DIAPH2: variants seen among roughly 807,000 people sequenced by gnomAD.
The protein encoded by DIAPH2 is diaphanous related formin 2, also known as protein diaphanous homolog 2.
Under a neutral mutation model 92.7 loss-of-function variants are expected in DIAPH2, and 35 were observed. That is an observed-to-expected ratio of 0.38 (90% CI 0.29 to 0.50). The LOEUF is 0.50. DIAPH2 is among the 20% of genes least tolerant of loss of function. The probability of loss-of-function intolerance (pLI) is 0.94; values close to 1 mark genes in which losing one functional copy is unlikely to be tolerated. For missense variants in DIAPH2, 701 were observed against 819.5 expected (o/e 0.86, Z 1.77); for synonymous variants, 301 against 280.4 (o/e 1.07, Z -0.73).
chrX:96,873,331 A>G (rs1224002283), intron 4 of DIAPH2, among the ~76,000 whole-genome samples: 1 of 111,326 alleles, frequency 9.0e-6, no homozygotes, highest in African/African-American at 3.3e-5. Flanking sequence ...TTGGTTATTA[A>G]TCTCTTGTCA....
intron 22 of DIAPH2, among the ~76,000 whole-genome samples, chrX:97,151,364 C>T (rs1429887453): frequency 8.9e-6 from 1 of 111,754 alleles, no homozygotes; most frequent in Non-Finnish European, 1.9e-5. Context: ...GGTCCTCTTG[C>T]TTTTACCCAT....
At chrX:97,062,897 G>A (rs954786970) in intron 17 of DIAPH2, among the ~76,000 whole-genome samples, 2 of 108,350 alleles carry the variant, frequency 1.8e-5, no homozygotes, top group Non-Finnish European at 3.8e-5. Context: ...AGCCAGGCAT[G>A]GTGGCAGGCG....
intron 22 of DIAPH2, among the ~76,000 whole-genome samples, chrX:97,201,728 G>A (rs758829869): frequency 3.6e-5 from 4 of 110,573 alleles, no homozygotes; most frequent in Non-Finnish European, 5.7e-5. Flanking sequence ...ATGGAACCAA[G>A]TTGGAAAACA....
chrX:97,395,727 A>G (rs922649006), intron 25 of DIAPH2, among the ~76,000 whole-genome samples: 2 of 112,286 alleles, frequency 1.8e-5, no homozygotes, highest in Admixed American at 1.9e-4. Context: ...ACAAATTTCT[A>G]CATCTACTAA....
intron 26 of DIAPH2, among the ~76,000 whole-genome samples, chrX:97,443,582 T>C (rs2070281087): frequency 8.9e-6 from 1 of 111,972 alleles, no homozygotes; most frequent in African/African-American, 3.2e-5. Context: ...GAAATAGAAA[T>C]TGTATTCTAC....
intron 17 of DIAPH2, among the ~76,000 whole-genome samples, chrX:96,999,305 G>A (rs2066126118): frequency 9.1e-6 from 1 of 109,894 alleles, no homozygotes; most frequent in African/African-American, 3.3e-5. Context: ...ATGAGGTCAG[G>A]AGATCGAGAC....
chrX:97,555,228 A>G (rs1022819373), intron 26 of DIAPH2, among the ~76,000 whole-genome samples: 1 of 112,005 alleles, frequency 8.9e-6, no homozygotes, highest in African/African-American at 3.2e-5. Context: ...TAAACCCATC[A>G]CTGGAAGAAA....
intron 26 of DIAPH2, among the ~76,000 whole-genome samples, chrX:97,589,124 C>G (rs1169996008): frequency 1.0e-5 from 1 of 96,183 alleles, no homozygotes; most frequent in African/African-American, 3.7e-5. Context: ...TCAAGACCAA[C>G]CTGGCCAACA....
intron 22 of DIAPH2, among the ~76,000 whole-genome samples, chrX:97,204,516 A>C (rs2067779804): frequency 1.8e-5 from 2 of 112,118 alleles, no homozygotes; most frequent in South Asian, 7.5e-4. Context: ...AAGCATTTCT[A>C]TACAGCAATA....
chrX:97,099,150 C>T (rs1011684741), intron 19 of DIAPH2, among the ~76,000 whole-genome samples: 1 of 110,939 alleles, frequency 9.0e-6, no homozygotes, highest in Non-Finnish European at 1.9e-5. Context: ...ATTATTGTGA[C>T]TGGAAATAAA....
In DIAPH2 at chrX:97,334,069, A is replaced by G. The variant is rs773968274; in HGVS notation, c.2845-14047A>G. 2.7e-5 allele frequency among the ~76,000 whole-genome samples: 3 copies of G among 111,513 alleles called. No homozygotes were observed. The South Asian group carries it at 1.1e-3, about 42-fold the overall frequency. ...TCACCTGCAAAGGAAACTTGAAAAC[A>G]TTAACATGCATTTCATTCCTTTTCA... On this transcript the variant is annotated intron_variant, in intron 23 of 26. Transcript: ENST00000324765.
chrX:97,471,690 CAAAA>C (rs34891772), intron 26 of DIAPH2, among the ~76,000 whole-genome samples: 1 of 44,952 alleles, frequency 2.2e-5, no homozygotes, highest in African/African-American at 9.3e-5. Flanking sequence ...AAATCCGTCT[CAAAA>C]AAAAAAAAAA....
rs890645071 is a variant in DIAPH2 at position 97,155,328 on chromosome X, C to T, written c.2719+13534C>T. On this transcript the variant is annotated intron_variant, in intron 22 of 26. Coordinates refer to ENST00000324765, the MANE Select transcript of DIAPH2 (RefSeq NM_006729.5). ...CCAGCCTGACCAACATGGTAAAACC[C>T]CGTCTCTACGAAAAATACAAAAATT... Among the ~76,000 whole-genome samples, 103 of 110,037 alleles carry T rather than the reference C, an allele frequency of 9.4e-4. 1 individual carries two copies. The Admixed American group carries it at 1.0e-2, about 11-fold the overall frequency.
intron 26 of DIAPH2, among the ~76,000 whole-genome samples, chrX:97,464,544 G>A (rs2070493007): frequency 9.0e-6 from 1 of 111,109 alleles, no homozygotes; most frequent in African/African-American, 3.3e-5. Flanking sequence ...TCAGATTCTT[G>A]TGACAGAATC....
rs773531808 is a variant in DIAPH2 at position 97,440,238 on chromosome X, T to C, written c.3241+10493T>C. Among the ~76,000 whole-genome samples, 366 of 111,726 alleles carry C rather than the reference T, an allele frequency of 3.3e-3. 1 individual carries two copies. The highest frequency in any genetic ancestry group is 5.2e-3 in the Non-Finnish European group (274 of 53,132). ...TCAAAAATTATTTAGCCAATTTTAA[T>C]GTGCTTCCAAAGTTGAGAACCACCA... On this transcript the variant is annotated intron_variant, in intron 26 of 26. Coordinates refer to ENST00000324765, the MANE Select transcript of DIAPH2 (RefSeq NM_006729.5).
chrX:97,239,859 T>TC (rs573265178), intron 22 of DIAPH2, among the ~76,000 whole-genome samples: 6 of 107,931 alleles, frequency 5.6e-5, no homozygotes, highest in African/African-American at 1.4e-4. Context: ...TCTCTCTCTC[T>TC]TTCTCTCTCT....
chrX:97,185,477 A>ATGTATATATATGTG (rs1245516161), intron 22 of DIAPH2, among the ~76,000 whole-genome samples: 1 of 1,561 alleles, frequency 6.4e-4, no homozygotes, highest in Non-Finnish European at 2.1e-3. Context: ...ATATACACAT[A>ATGTATATATATGTG]TATATATATA....
At chrX:96,829,932 TATCTGGAAGTAAAC>T (rs1351870357) in intron 4 of DIAPH2, among the ~76,000 whole-genome samples, 2 of 110,276 alleles carry the variant, frequency 1.8e-5, no homozygotes, top group African/African-American at 6.6e-5. Context: ...TGTGTATTTT[TATCTGGAAGTAAAC>T]ATCTGGGAAT....
intron 24 of DIAPH2, among the ~76,000 whole-genome samples, chrX:97,354,074 C>T (rs12557037): frequency 0.42 from 45,670 of 109,748 alleles, 8,075 homozygotes; most frequent in Non-Finnish European, 0.56. Context: ...CTCAACCTCC[C>T]AAAGTGCTGG....
Sources: allele counts gnomAD v4.1 joint callset (sites outside exome capture counted in the v4.1 genomes callset), GRCh38; gene constraint gnomAD v4.1.1; transcripts MANE v1.5; gene names NCBI Gene and HGNC (gene_info 2026-07-23, HGNC 2026-07-21).